ELMO1: variants seen among roughly 807,000 people sequenced by gnomAD.
The protein encoded by ELMO1 is engulfment and cell motility 1, also known as engulfment and cell motility protein 1.
In ELMO1, 26 loss-of-function variants were observed where a neutral mutation model predicts 98.9. The ratio of observed to expected loss-of-function variants is 0.26; its 90% CI spans 0.19 to 0.36. ELMO1 has a LOEUF of 0.36. Among genes scored for constraint, ELMO1 ranks in the 10% least tolerant of loss-of-function variants. The probability of loss-of-function intolerance (pLI) is 1.00; values close to 1 mark genes in which losing one functional copy is unlikely to be tolerated. For missense variants in ELMO1, 627 were observed against 935.2 expected, an observed-to-expected ratio of 0.67 and a Z score of 4.30; for synonymous variants, 346 against 346.0, an observed-to-expected ratio of 1.00 and a Z score of 0.00.
intron 13 of ELMO1, among the ~76,000 whole-genome samples, chr7:37,192,224 T>A (rs1791628323): frequency 6.6e-6 from 1 of 151,592 alleles, no homozygotes; most frequent in African/African-American, 2.4e-5. Flanking sequence ...GGGCCAGGTG[T>A]GGTTGCTCAT....
At chr7:36,869,725 A>G (rs144277567) in intron 20 of ELMO1, among the ~76,000 whole-genome samples, 1 of 152,336 alleles carries the variant, frequency 6.6e-6, no homozygotes, top group East Asian at 1.9e-4. Context: ...TTTTCAAATA[A>G]TATTCCCTCC....
At chr7:37,000,568 A>T (rs148278949) in intron 16 of ELMO1, among the ~76,000 whole-genome samples, 26 of 152,320 alleles carry the variant, frequency 1.7e-4, no homozygotes, top group African/African-American at 6.0e-4. Flanking sequence ...CGGGAGGTAA[A>T]GGTAAAATAC....
At chr7:37,096,828 G>T in intron 14 of ELMO1, 101 bp from the exon 15 acceptor site, 1 of 1,110,988 alleles carries the variant, frequency 9.0e-7, no homozygotes, top group Non-Finnish European at 1.3e-6. Context: ...ATCCACTTCA[G>T]ATCCCCAAAC....
intron 13 of ELMO1, among the ~76,000 whole-genome samples, chr7:37,148,116 C>A (rs923834388): frequency 1.7e-4 from 26 of 152,124 alleles, no homozygotes; most frequent in Non-Finnish European, 1.5e-5. Context: ...CCTTGCAACC[C>A]CTAGAGTTCC....
chr7:37,101,520 C>T (rs1784640521), intron 14 of ELMO1, among the ~76,000 whole-genome samples: 1 of 152,018 alleles, frequency 6.6e-6, no homozygotes, highest in Non-Finnish European at 1.5e-5. Context: ...TTTACAGAAG[C>T]AGAACAGGCA....
intron 14 of ELMO1, among the ~76,000 whole-genome samples, chr7:37,115,540 C>T (rs1479200757): frequency 1.3e-5 from 2 of 151,768 alleles, no homozygotes; most frequent in Non-Finnish European, 2.9e-5. Flanking sequence ...TTGATAAAAT[C>T]TAACACTCAT....
Position 36,913,890 on chromosome 7 carries a change from A to T in ELMO1, c.1438-18873T>A, listed in dbSNP as rs189552956. On this transcript the variant is annotated intron_variant, in intron 16 of 21. Coordinates refer to ENST00000310758, the MANE Select transcript of ELMO1 (RefSeq NM_014800.11). Reference sequence around the variant, plus strand: ...ACAGTCTCTCAATATAGGACTTGGTAGTTCAGAGATTTGTTTGGAGTTTTA... The same window carrying T: ...ACAGTCTCTCAATATAGGACTTGGTTGTTCAGAGATTTGTTTGGAGTTTTA... Among the ~76,000 whole-genome samples, 30 of 152,338 alleles carry T rather than the reference A, an allele frequency of 2.0e-4. No homozygotes were observed. The East Asian group carries it at 3.9e-3, about 20-fold the overall frequency.
intron 14 of ELMO1, among the ~76,000 whole-genome samples, chr7:37,118,771 A>G (rs1785777822): frequency 6.6e-6 from 1 of 152,234 alleles, no homozygotes; most frequent in African/African-American, 2.4e-5. Context: ...CCATAATACA[A>G]GAAGGTGTCT....
intron 16 of ELMO1, among the ~76,000 whole-genome samples, chr7:37,013,015 C>T (rs866992374): frequency 1.3e-5 from 2 of 152,176 alleles, no homozygotes; most frequent in South Asian, 4.1e-4. Flanking sequence ...AAAACATTCG[C>T]CTTGATAACG....
At chr7:37,225,925 A>G (rs1465145817) in intron 8 of ELMO1, among the ~76,000 whole-genome samples, 1 of 152,236 alleles carries the variant, frequency 6.6e-6, no homozygotes, top group Non-Finnish European at 1.5e-5. Context: ...TAAAAGCTAA[A>G]TAACTTGGTT....
chr7:36,906,605 A>C (rs1188473080), intron 16 of ELMO1, among the ~76,000 whole-genome samples: 1 of 152,124 alleles, frequency 6.6e-6, no homozygotes, highest in African/African-American at 2.4e-5. Context: ...GAATAACCAG[A>C]CCAGTGTCCA....
chr7:37,170,709 C>T lies in ELMO1; in HGVS notation c.1087-37475G>A, dbSNP rs541793250. On this transcript the variant is annotated intron_variant, in intron 13 of 21. Coordinates refer to ENST00000310758, the MANE Select transcript of ELMO1 (RefSeq NM_014800.11). ...ACTGTCTCTGCCTCCCAGGTTCAAGCGATTCTTGTGCCTCAGCCTCGCAAG... is the reference window on the plus strand; with the variant it reads ...ACTGTCTCTGCCTCCCAGGTTCAAGTGATTCTTGTGCCTCAGCCTCGCAAG... 2.6e-5 allele frequency among the ~76,000 whole-genome samples: 4 copies of T among 151,376 alleles called. No homozygotes were observed. In the East Asian group the frequency reaches 5.8e-4, roughly 22 times the overall value.
At chr7:37,265,814 C>A (rs1796211182) in intron 5 of ELMO1, among the ~76,000 whole-genome samples, 1 of 152,176 alleles carries the variant, frequency 6.6e-6, no homozygotes, top group Non-Finnish European at 1.5e-5. Flanking sequence ...CAGCCCACAG[C>A]TTTAAATGCC....
chr7:37,048,114 G>A (rs1003827149), intron 15 of ELMO1, among the ~76,000 whole-genome samples: 3 of 152,094 alleles, frequency 2.0e-5, no homozygotes, highest in Non-Finnish European at 2.9e-5. Context: ...TTAGTGTCTG[G>A]AGCTGGTTAA....
At chr7:37,148,846 T>C (rs1417920551) in intron 13 of ELMO1, among the ~76,000 whole-genome samples, 1 of 152,176 alleles carries the variant, frequency 6.6e-6, no homozygotes, top group Admixed American at 6.6e-5. Context: ...CCACCTCTCG[T>C]CACTTTAAAA....
chr7:37,272,000 A>C (rs1012222669), intron 4 of ELMO1, 118 bp from the exon 5 acceptor site: 1 of 798,132 alleles, frequency 1.3e-6, no homozygotes, highest in Non-Finnish European at 2.0e-6. Flanking sequence ...CACTTGAATA[A>C]TTTTTAATTA....
intron 4 of ELMO1, among the ~76,000 whole-genome samples, chr7:37,278,918 G>C (rs558580974): frequency 6.6e-6 from 1 of 152,280 alleles, no homozygotes; most frequent in South Asian, 2.1e-4. Flanking sequence ...GAGTGTGTGA[G>C]GGGCCAGGCG....
At chr7:37,099,675 C>T (rs560072401) in intron 14 of ELMO1, among the ~76,000 whole-genome samples, 28 of 152,192 alleles carry the variant, frequency 1.8e-4, no homozygotes, top group African/African-American at 6.0e-4. Context: ...AATGCTTCAT[C>T]GTTTACAGAG....
intron 2 of ELMO1, 55 bp from the exon 3 acceptor site, chr7:37,316,015 TAAA>T: frequency 7.6e-7 from 1 of 1,320,920 alleles, no homozygotes; most frequent in Non-Finnish European, 1.1e-6. Context: ...CATTTTAAAT[TAAA>T]AAAAAGAAGA....
Sources: allele counts gnomAD v4.1 joint callset (sites outside exome capture counted in the v4.1 genomes callset), GRCh38; gene constraint gnomAD v4.1.1; transcripts MANE v1.5; gene names NCBI Gene and HGNC (gene_info 2026-07-23, HGNC 2026-07-21).